The following ASIC2 variants were observed in gnomAD, a reference collection of about 807,000 sequenced individuals.
ASIC2 encodes the protein acid-sensing ion channel 2.
Under a neutral mutation model 57.3 loss-of-function variants are expected in ASIC2, and 25 were observed. The ratio of observed to expected loss-of-function variants is 0.44; its 90% CI spans 0.32 to 0.61. The LOEUF (loss-of-function observed/expected upper bound fraction) is 0.61, where lower values mean the gene tolerates loss of function less well. Among genes scored for constraint, ASIC2 ranks in the 20% least tolerant of loss-of-function variants. ASIC2 has a pLI of 0.06. For synonymous variants in ASIC2, 319 were observed against 307.5 expected (o/e 1.04, Z -0.39); for missense variants, 641 against 738.1 (o/e 0.87, Z 1.52).
intron 1 of ASIC2, among the ~76,000 whole-genome samples, chr17:33,820,030 A>G (rs1333647406): frequency 6.6e-6 from 1 of 152,186 alleles, no homozygotes; most frequent in Non-Finnish European, 1.5e-5. Context: ...GTTTGCAGTC[A>G]GAAACGAGAC....
At chr17:33,789,545 G>T (rs547185025) in intron 1 of ASIC2, among the ~76,000 whole-genome samples, 1 of 151,090 alleles carries the variant, frequency 6.6e-6, no homozygotes, top group Non-Finnish European at 1.5e-5. Context: ...AACTTGTATG[G>T]GCTCCCCCTC....
At chr17:33,720,432 G>A (rs1405828539) in intron 1 of ASIC2, among the ~76,000 whole-genome samples, 1 of 152,130 alleles carries the variant, frequency 6.6e-6, no homozygotes, top group Non-Finnish European at 1.5e-5. Context: ...GGCAGAGTGG[G>A]TATGATCCTT....
chr17:34,097,357 G>C (rs1417306658), intron 1 of ASIC2, among the ~76,000 whole-genome samples: 1 of 152,144 alleles, frequency 6.6e-6, no homozygotes, highest in Non-Finnish European at 1.5e-5. Flanking sequence ...AATAGGAGTG[G>C]AGGGGGTGGG....
Position 33,293,249 on chromosome 17 carries a change from G to T in ASIC2, c.-1134C>A, listed in dbSNP as rs1905581545. On this transcript the variant is annotated 5_prime_UTR_variant, in exon 1 of 10. Transcript: ENST00000225823. ...GCAGCGGCCGCGCGACGCTGGCGCG[G>T]CTGGGCTCCGAGCACCTGCTCCTCA... Among the ~76,000 whole-genome samples, 1 of 152,060 alleles carries T rather than the reference G, an allele frequency of 6.6e-6. No individual in the cohort carries two copies. Among genetic ancestry groups the T allele is most frequent in the Non-Finnish European group, 1.5e-5 (1 of 67,986 alleles).
intron 1 of ASIC2, among the ~76,000 whole-genome samples, chr17:33,233,088 A>G (rs1908169540): frequency 6.6e-6 from 1 of 152,054 alleles, no homozygotes; most frequent in South Asian, 2.1e-4. Flanking sequence ...ACCACGTGGA[A>G]ACTGACAGTC....
chr17:33,090,125 C>T (rs2141966551), intron 2 of ASIC2, among the ~76,000 whole-genome samples: 1 of 152,292 alleles, frequency 6.6e-6, no homozygotes, highest in African/African-American at 2.4e-5. Context: ...CTGGATTGGG[C>T]ATCACTGGTA....
At chr17:33,752,074 A>G (rs1445415557) in intron 1 of ASIC2, among the ~76,000 whole-genome samples, 2 of 152,148 alleles carry the variant, frequency 1.3e-5, no homozygotes, top group Admixed American at 6.5e-5. Context: ...AGGAGTGAAG[A>G]GCAAGGCAAG....
intron 1 of ASIC2, among the ~76,000 whole-genome samples, chr17:34,141,018 T>C (rs901522604): frequency 2.5e-4 from 38 of 152,348 alleles, no homozygotes; most frequent in Non-Finnish European, 5.1e-4. Context: ...AGATATTGCA[T>C]GCCTCCAGAT....
At chr17:33,614,940 G>A (rs145396792) in intron 1 of ASIC2, among the ~76,000 whole-genome samples, 121 of 152,292 alleles carry the variant, frequency 7.9e-4, no homozygotes, top group African/African-American at 2.8e-3. Flanking sequence ...TAAAGTGCGC[G>A]TAATAATAGC....
intron 1 of ASIC2, among the ~76,000 whole-genome samples, chr17:33,399,441 C>T (rs1910201527): frequency 6.6e-6 from 1 of 152,098 alleles, no homozygotes; most frequent in African/African-American, 2.4e-5. Context: ...CCCCTTCCCC[C>T]TCTGTCTCCC....
At chr17:33,576,083 C>CCTCA (rs1340352286) in intron 1 of ASIC2, among the ~76,000 whole-genome samples, 1 of 152,194 alleles carries the variant, frequency 6.6e-6, no homozygotes, top group Non-Finnish European at 1.5e-5. Context: ...AGATTTACCT[C>CCTCA]CTCACTCACT....
At chr17:34,090,437 C>T (rs1464461828) in intron 1 of ASIC2, among the ~76,000 whole-genome samples, 1 of 150,050 alleles carries the variant, frequency 6.7e-6, no homozygotes, top group African/African-American at 2.5e-5. Flanking sequence ...GAGTAAGAAT[C>T]AGACCTTCTG....
chr17:33,774,603 C>T (rs1271403226), intron 1 of ASIC2, among the ~76,000 whole-genome samples: 1 of 152,192 alleles, frequency 6.6e-6, no homozygotes, highest in Non-Finnish European at 1.5e-5. Flanking sequence ...AAAACATTTT[C>T]CAGAAATTCC....
At chr17:33,431,738 G>C (rs1911427473) in intron 1 of ASIC2, among the ~76,000 whole-genome samples, 1 of 152,048 alleles carries the variant, frequency 6.6e-6, no homozygotes, top group Admixed American at 6.6e-5. Context: ...ACAAATCCCA[G>C]GAAAACTATG....
intron 1 of ASIC2, among the ~76,000 whole-genome samples, chr17:33,227,406 T>A (rs907117855): frequency 6.6e-6 from 1 of 152,136 alleles, no homozygotes; most frequent in Admixed American, 6.5e-5. Flanking sequence ...TCTTTTGTGC[T>A]CTCCCCTTCA....
intron 1 of ASIC2, among the ~76,000 whole-genome samples, chr17:34,132,446 C>T (rs1912012420): frequency 6.6e-6 from 1 of 152,090 alleles, no homozygotes; most frequent in Non-Finnish European, 1.5e-5. Context: ...CCTTATTTGT[C>T]TCCGCCCATG....
At chr17:33,341,278 C>T (rs983745914) in intron 1 of ASIC2, among the ~76,000 whole-genome samples, 3 of 152,164 alleles carry the variant, frequency 2.0e-5, no homozygotes, top group African/African-American at 7.2e-5. Flanking sequence ...TTTCCCCATT[C>T]CAGGTAATTT....
chr17:34,119,361 C>G (rs1180767619), intron 1 of ASIC2, among the ~76,000 whole-genome samples: 2 of 152,180 alleles, frequency 1.3e-5, no homozygotes, highest in African/African-American at 2.4e-5. Context: ...TCAAGTGAGA[C>G]AGCATAAATA....
At chr17:34,132,031 A>T (rs9914754) in intron 1 of ASIC2, among the ~76,000 whole-genome samples, 1 of 152,086 alleles carries the variant, frequency 6.6e-6, no homozygotes, top group Admixed American at 6.5e-5. Flanking sequence ...CTTATGCCCT[A>T]TAAGTTTGAT....
Sources: allele counts gnomAD v4.1 joint callset (sites outside exome capture counted in the v4.1 genomes callset), GRCh38; gene constraint gnomAD v4.1.1; transcripts MANE v1.5; gene names NCBI Gene and HGNC (gene_info 2026-07-23, HGNC 2026-07-21).